CFAP70: variants seen among roughly 807,000 people sequenced by gnomAD.
CFAP70 encodes the protein cilia- and flagella-associated protein 70.
In CFAP70, 81 loss-of-function variants were observed where a neutral mutation model predicts 137.6. The observed-to-expected ratio is 0.59, with a 90% CI of 0.49 to 0.71. The LOEUF (loss-of-function observed/expected upper bound fraction) is 0.71. Among genes scored for constraint, CFAP70 ranks in the 30% least tolerant of loss-of-function variants. The probability of loss-of-function intolerance (pLI) is 0.00; values close to 1 mark genes in which losing one functional copy is unlikely to be tolerated. For synonymous variants in CFAP70, 382 were observed against 423.6 expected (o/e 0.90, Z 1.20); for missense variants, 976 against 1,226.7 (o/e 0.80, Z 3.05).
chr10:73,314,092 A>G (rs2050148777), intron 9 of CFAP70, among the ~76,000 whole-genome samples: 2 of 152,198 alleles, frequency 1.3e-5, no homozygotes, highest in Admixed American at 6.5e-5. Context: ...AACATGGATG[A>G]TTCTCAAAAT....
At chr10:73,279,568 A>T (rs1391087698) in intron 19 of CFAP70, among the ~76,000 whole-genome samples, 4 of 126,804 alleles carry the variant, frequency 3.2e-5, no homozygotes, top group African/African-American at 6.1e-5. Context: ...TAAATAAATA[A>T]ATATAAGAAG....
intron 7 of CFAP70, among the ~76,000 whole-genome samples, chr10:73,333,161 T>C (rs1321389267): frequency 6.6e-6 from 1 of 152,022 alleles, no homozygotes; most frequent in Admixed American, 6.6e-5. Flanking sequence ...TGACTGGACA[T>C]GGCTGAGGAA....
Position 73,293,262 on chromosome 10 carries a change from C to A in CFAP70, c.1770+1G>T, listed in dbSNP as rs1040377559. ...CAATCACTGGGAAGATGTTTAATTA[C>A]CTCTTTATAATATGCTGCTGCCATC... On this transcript the variant is annotated splice_donor_variant, in intron 16 of 26. Coordinates refer to ENST00000310715, the Ensembl canonical transcript of CFAP70. LOFTEE classifies it high-confidence loss of function. The A allele has an allele frequency of 6.2e-7, 1 of 1,603,148 alleles. No individual in the cohort carries two copies. Among genetic ancestry groups the A allele is most frequent in the Admixed American group, 1.7e-5 (1 of 57,216 alleles).
chr10:73,345,968 C>T (rs1483212329), intron 4 of CFAP70, among the ~76,000 whole-genome samples: 3 of 150,972 alleles, frequency 2.0e-5, no homozygotes, highest in Admixed American at 6.6e-5. Context: ...GGCATGATCT[C>T]GGCTCACTGC....
At chr10:73,291,538 A>G in intron 18 of CFAP70, 94 bp from the exon 20 acceptor site, 1 of 1,502,436 alleles carries the variant, frequency 6.7e-7, no homozygotes, top group Admixed American at 1.9e-5. Context: ...ATATTTTACC[A>G]AAGTTTAAGA....
At chr10:73,259,600 T>C (rs2044926769) in intron 25 of CFAP70, among the ~76,000 whole-genome samples, 1 of 152,158 alleles carries the variant, frequency 6.6e-6, no homozygotes, top group South Asian at 2.1e-4. Context: ...TGGAAACTCA[T>C]GTATAACAAA....
intron 9 of CFAP70, among the ~76,000 whole-genome samples, chr10:73,315,849 G>A (rs972798400): frequency 5.3e-5 from 8 of 152,200 alleles, no homozygotes; most frequent in African/African-American, 1.9e-4. Context: ...ACAGGCTTGA[G>A]CCACTGTACC....
At chr10:73,301,876 C>A (rs2048980787) in intron 12 of CFAP70, among the ~76,000 whole-genome samples, 1 of 152,012 alleles carries the variant, frequency 6.6e-6, no homozygotes, top group Non-Finnish European at 1.5e-5. Flanking sequence ...TTATGAACTA[C>A]AAAGGGATCA....
chr10:73,259,490 G>T (rs912835251), intron 25 of CFAP70, among the ~76,000 whole-genome samples: 1 of 151,990 alleles, frequency 6.6e-6, no homozygotes, highest in Non-Finnish European at 1.5e-5. Context: ...TTGAGACAGG[G>T]TCTGGCTCTG....
At chr10:73,258,715 G>A (rs1377433247) in intron 25 of CFAP70, among the ~76,000 whole-genome samples, 2 of 152,218 alleles carry the variant, frequency 1.3e-5, no homozygotes, top group Non-Finnish European at 2.9e-5. Flanking sequence ...CCCTGAGAAA[G>A]AGAATGCATT....
At chr10:73,324,736 G>A (rs527444831) in intron 8 of CFAP70, among the ~76,000 whole-genome samples, 1 of 152,348 alleles carries the variant, frequency 6.6e-6, no homozygotes, top group South Asian at 2.1e-4. Context: ...AGGAGTATCA[G>A]TGATGGAAGA....
chr10:73,299,132 C>A (rs926579738), intron 13 of CFAP70, 31 bp from the exon 15 acceptor site: 1 of 1,531,592 alleles, frequency 6.5e-7, no homozygotes, highest in Non-Finnish European at 8.9e-7. Flanking sequence ...TGGTAGACGC[C>A]TCAGAGAGGT....
exon 14 of CFAP70, chr10:73,299,068 T>C: frequency 1.9e-6 from 3 of 1,613,860 alleles, no homozygotes; most frequent in Non-Finnish European, 2.5e-6. Flanking sequence ...GCTCTAGAAA[T>C]ATTCTTGATC....
At chr10:73,274,888 G>A in intron 22 of CFAP70, 2 of 284,386 alleles carry the variant, frequency 7.0e-6, no homozygotes, top group Non-Finnish European at 1.3e-5. Flanking sequence ...CTGTTCACAT[G>A]AGAAAATATA....
At chr10:73,265,270 C>T (rs1196181223) in intron 25 of CFAP70, among the ~76,000 whole-genome samples, 1 of 151,418 alleles carries the variant, frequency 6.6e-6, no homozygotes, top group African/African-American at 2.4e-5. Context: ...TTGCAGTGAG[C>T]CCAGATCGCG....
At chr10:73,294,703 C>T (rs1162695480) in intron 15 of CFAP70, 1 of 152,228 alleles carries the variant, frequency 6.6e-6, no homozygotes, top group South Asian at 2.1e-4. Context: ...ATCCTCATCT[C>T]CTTCACTTTC....
At chr10:73,352,340 G>A (rs1488482184) in intron 3 of CFAP70, among the ~76,000 whole-genome samples, 1 of 152,222 alleles carries the variant, frequency 6.6e-6, no homozygotes, top group Admixed American at 6.5e-5. Context: ...CAGCTTGATT[G>A]AGGGTGGGGG....
At chr10:73,310,298 G>T in intron 11 of CFAP70, 49 bp from the exon 13 acceptor site, 1 of 1,317,152 alleles carries the variant, frequency 7.6e-7, no homozygotes, top group South Asian at 1.3e-5. Flanking sequence ...ATATATTTAT[G>T]AAAAATTTAG....
chr10:73,304,632 T>C (rs765495828), intron 12 of CFAP70, among the ~76,000 whole-genome samples: 1 of 152,140 alleles, frequency 6.6e-6, no homozygotes, highest in Non-Finnish European at 1.5e-5. Flanking sequence ...TAGTCTCATA[T>C]ATCATTTATA....
Sources: allele counts gnomAD v4.1 joint callset (sites outside exome capture counted in the v4.1 genomes callset), GRCh38; gene constraint gnomAD v4.1.1; transcripts MANE v1.5; gene names NCBI Gene and HGNC (gene_info 2026-07-23, HGNC 2026-07-21).